PCDH15: variants seen among roughly 807,000 people sequenced by gnomAD.
The protein encoded by PCDH15 is protocadherin-15.
A neutral mutation model predicts 178.5 loss-of-function variants in PCDH15; 129 were observed. The observed-to-expected ratio is 0.72, with a 90% confidence interval of 0.63 to 0.84. The LOEUF (loss-of-function observed/expected upper bound fraction) is 0.84, where lower values mean the gene tolerates loss of function less well. Ranked by LOEUF, PCDH15 falls within the 40% of genes least tolerant of loss-of-function variation. The probability of loss-of-function intolerance (pLI) is 0.00; values close to 1 mark genes in which losing one functional copy is unlikely to be tolerated. For missense variants in PCDH15, 2,230 were observed against 2,099.9 expected, an observed-to-expected ratio of 1.06 and a Z score of -1.21; for synonymous variants, 800 against 732.0, an observed-to-expected ratio of 1.09 and a Z score of -1.50.
At position 55,079,339 on chromosome 10, in the gene PCDH15, C is replaced by T. The variant is rs1362265295; in HGVS notation, c.-80+87237G>A. ...CTGCATGCATTCAGTAATGTAGTCT[C>T]TGTATGATTTCTTTGGCCTTAAACA... On this transcript the variant is annotated intron_variant, in intron 2 of 5. Coordinates refer to the PCDH15 transcript ENST00000458638. Among the ~76,000 whole-genome samples, 4 of 152,136 alleles carry T rather than the reference C, an allele frequency of 2.6e-5. No homozygotes were observed. In the East Asian group the frequency reaches 7.7e-4, roughly 29 times the overall value.
chr10:55,619,531 T>C (rs1303665551), intron 2 of PCDH15, among the ~76,000 whole-genome samples: 1 of 152,006 alleles, frequency 6.6e-6, no homozygotes, highest in Non-Finnish European at 1.5e-5. Flanking sequence ...GTTTTAAACT[T>C]TCCTGAACAT....
chr10:54,515,718 G>A (rs1431583222), intron 3 of PCDH15, among the ~76,000 whole-genome samples: 2 of 152,190 alleles, frequency 1.3e-5, no homozygotes, highest in Non-Finnish European at 2.9e-5. Context: ...AGCCTAACTG[G>A]GAGGCATCCC....
intron 2 of PCDH15, among the ~76,000 whole-genome samples, chr10:55,525,966 C>T (rs1031028677): frequency 1.3e-5 from 2 of 151,866 alleles, no homozygotes; most frequent in African/African-American, 4.8e-5. Context: ...GACTCTATTT[C>T]ATGAAAATGA....
intron 1 of PCDH15, among the ~76,000 whole-genome samples, chr10:55,181,943 A>T (rs1240945754): frequency 6.6e-6 from 1 of 151,982 alleles, no homozygotes; most frequent in Non-Finnish European, 1.5e-5. Context: ...TACTAGACTT[A>T]AATCTCTATA....
rs767761740 is a variant in PCDH15, at chr10:53,827,432, G to C, written c.4328C>G (p.Pro1443Arg). ...AAPPPPPPPP[P>R]GAHLYEELGD... ...AAGTTCTTCATAGAGATGCGCACCTGGCGGAGGCGGCGGCGGCGGCGGGGG... is the reference window on the plus strand; with the variant it reads ...AAGTTCTTCATAGAGATGCGCACCTCGCGGAGGCGGCGGCGGCGGCGGGGG... The change falls in exon 32 of 38, where the codon CCA becomes CGA. Residue 1443 changes from proline (P) to arginine (R), a missense_variant. Pro to Arg is a moderately radical substitution (Grantham distance 103). Coordinates refer to ENST00000644397, the MANE Select transcript of PCDH15 (RefSeq NM_001384140.1). The C allele has an allele frequency of 6.2e-7, 1 of 1,613,160 alleles. No homozygotes were observed. The highest frequency in any genetic ancestry group is 1.1e-5 in the South Asian group (1 of 90,992).
Position 53,900,213 on chromosome 10 carries a change from C to T in PCDH15, c.3501+3030G>A, listed in dbSNP as rs201179637. Among the ~76,000 whole-genome samples the T allele has an allele frequency of 1.1e-3, 13 of 12,374 alleles. No homozygotes were observed. In the Admixed American group the frequency reaches 0.019, roughly 18 times the overall value. 8.1% of individuals were successfully genotyped at this position (12,374 alleles called of 152,430 possible). ...CTTTCTCTCTCTCTCTAAACTTTCTCTCTCTCTCTCTCTCTCTCTCCCCCC... is the reference window on the plus strand; with the variant it reads ...CTTTCTCTCTCTCTCTAAACTTTCTTTCTCTCTCTCTCTCTCTCTCCCCCC... On this transcript the variant is annotated intron_variant, in intron 26 of 37. Transcript: ENST00000644397.
chr10:54,978,407 A>C (rs1277654492), intron 2 of PCDH15, among the ~76,000 whole-genome samples: 1 of 152,162 alleles, frequency 6.6e-6, no homozygotes, highest in African/African-American at 2.4e-5. Flanking sequence ...ATAATTTTAC[A>C]ATTATTATAA....
chr10:53,972,329 A>C (rs2089784163), intron 21 of PCDH15, among the ~76,000 whole-genome samples: 1 of 152,234 alleles, frequency 6.6e-6, no homozygotes. Context: ...TAAAACCATA[A>C]AAACTCTAGA....
intron 2 of PCDH15, among the ~76,000 whole-genome samples, chr10:54,937,562 G>A (rs1331602665): frequency 6.6e-6 from 1 of 151,494 alleles, no homozygotes; most frequent in African/African-American, 2.4e-5. Flanking sequence ...TTAGTATTTT[G>A]TTTTTTGGGG....
chr10:54,403,226 G>T (rs1265264668), intron 3 of PCDH15, among the ~76,000 whole-genome samples: 1 of 151,966 alleles, frequency 6.6e-6, no homozygotes, highest in African/African-American at 2.4e-5. Flanking sequence ...AGCTATGAAG[G>T]CTGAGAGAGG....
chr10:54,990,041 T>C (rs1839462756), intron 2 of PCDH15, among the ~76,000 whole-genome samples: 1 of 152,174 alleles, frequency 6.6e-6, no homozygotes, highest in Non-Finnish European at 1.5e-5. Flanking sequence ...CTCCTTGTCT[T>C]CTGCCATGAT....
Position 55,363,237 on chromosome 10 carries a change from C to G in PCDH15, c.-155-196586G>C, listed in dbSNP as rs2131980834. On this transcript the variant is annotated intron_variant, in intron 2 of 5. Transcript: ENST00000613346. ...TCTTACATGTATCAATTTTTAATAG[C>G]TCTTTCCATGTCACTGTTGAGGAGT... Among the ~76,000 whole-genome samples the G allele has an allele frequency of 2.0e-5, 3 of 152,268 alleles. No individual in the cohort carries two copies. In the Middle Eastern group the frequency reaches 0.01, roughly 518 times the overall value.
intron 2 of PCDH15, among the ~76,000 whole-genome samples, chr10:55,032,255 G>C (rs954642984): frequency 6.6e-6 from 1 of 152,202 alleles, no homozygotes; most frequent in African/African-American, 2.4e-5. Context: ...GGTTTACAAA[G>C]TGGCAAAGGC....
At chr10:54,414,786 T>C (rs1778970269) in intron 3 of PCDH15, among the ~76,000 whole-genome samples, 1 of 152,054 alleles carries the variant, frequency 6.6e-6, no homozygotes. Context: ...ACAGCAATAG[T>C]AAGTAGTAGA....
chr10:55,603,238 AC>A (rs1158913495), intron 2 of PCDH15, among the ~76,000 whole-genome samples: 4 of 151,862 alleles, frequency 2.6e-5, no homozygotes, highest in African/African-American at 9.7e-5. Flanking sequence ...GAAATATGGG[AC>A]TATGTGAGAT....
intron 2 of PCDH15, among the ~76,000 whole-genome samples, chr10:55,403,907 G>A (rs1838134019): frequency 6.6e-6 from 1 of 151,968 alleles, no homozygotes; most frequent in South Asian, 2.1e-4. Context: ...TTAAACCCCA[G>A]ATAGAAGAAG....
At position 53,895,229 on chromosome 10, in the gene PCDH15, A is replaced by T. The variant is rs572797366; in HGVS notation, c.3501+8014T>A. Among the ~76,000 whole-genome samples the T allele has an allele frequency of 1.1e-4, 17 of 152,264 alleles. No homozygotes were observed. In the South Asian group the frequency reaches 3.3e-3, roughly 30 times the overall value. On this transcript the variant is annotated intron_variant, in intron 26 of 37. Coordinates refer to ENST00000644397, the MANE Select transcript of PCDH15 (RefSeq NM_001384140.1). Reference sequence around the variant, plus strand: ...TACATTGTTAACCTTGTACATTTCTATACCTTTTGCTACTAAGGAAATTTG... The same window carrying T: ...TACATTGTTAACCTTGTACATTTCTTTACCTTTTGCTACTAAGGAAATTTG...
chr10:55,128,404 A>G (rs1255802811), intron 2 of PCDH15, among the ~76,000 whole-genome samples: 1 of 152,054 alleles, frequency 6.6e-6, no homozygotes, highest in Non-Finnish European at 1.5e-5. Flanking sequence ...TTAACAGCAG[A>G]GTTAACTGAG....
At chr10:54,343,985 TG>T in intron 6 of PCDH15, among the ~76,000 whole-genome samples, 1 of 152,142 alleles carries the variant, frequency 6.6e-6, no homozygotes, top group East Asian at 1.9e-4. Flanking sequence ...TGCCACACTA[TG>T]GTGCTATTAA....
Sources: allele counts gnomAD v4.1 joint callset (sites outside exome capture counted in the v4.1 genomes callset), GRCh38; gene constraint gnomAD v4.1.1; transcripts MANE v1.5; gene names NCBI Gene and HGNC (gene_info 2026-07-23, HGNC 2026-07-21).